Variants in LIM2 observed in about 807,000 individuals in gnomAD.
The protein encoded by LIM2 is lens intrinsic membrane protein 2.
In LIM2, 14 loss-of-function variants were observed where a neutral mutation model predicts 19.0. That is an observed-to-expected ratio of 0.74 (90% CI 0.49 to 1.15). LIM2 has a LOEUF of 1.15. Among genes scored for constraint, LIM2 ranks in the 50% most tolerant of loss-of-function variants. The pLI is 0.00. For synonymous variants in LIM2, 78 were observed against 89.6 expected (o/e 0.87, Z 0.73); for missense variants, 230 against 243.5 (o/e 0.94, Z 0.37).
Position 51,380,708 on chromosome 19 carries a change from G to A in LIM2, c.326-69C>T. The A allele has an allele frequency of 3.2e-6, 5 of 1,585,608 alleles. No homozygotes were observed. The South Asian group carries it at 3.3e-5, about 11-fold the overall frequency. ...GTGTGATTTTGGAGGTGGGCAGAGA[G>A]CTGATGATGGGGGTGGGAACTAAGA... On this transcript the variant is annotated intron_variant, in intron 3 of 4. Coordinates refer to ENST00000596399, the MANE Select transcript of LIM2 (RefSeq NM_001161748.2).
chr19:51,387,545 T>A, intron 1 of LIM2, 96 bp from the exon 2 acceptor site: 1 of 1,551,794 alleles, frequency 6.4e-7, no homozygotes, highest in East Asian at 2.3e-5. Flanking sequence ...GGATGCCAAG[T>A]GCTTGGGAGA....
intron 4 of LIM2, 85 bp downstream of exon 4, chr19:51,380,420 C>T: frequency 6.2e-7 from 1 of 1,601,080 alleles, no homozygotes. Flanking sequence ...CTGTGGGACT[C>T]ATGTGGGACA....
chr19:51,383,734 GA>G, intron 2 of LIM2, among the ~76,000 whole-genome samples: 1 of 152,238 alleles, frequency 6.6e-6, no homozygotes, highest in Admixed American at 6.6e-5. Context: ...TGAAGAAATG[GA>G]GGCCCAGAGA....
rs201303796 is a variant in LIM2, at chr19:51,387,212, C to T, written c.175+57G>A. On this transcript the variant is annotated intron_variant, in intron 2 of 4. Transcript: ENST00000596399. ...CTGGAATACAGGTGTCCTTGGGCCC[C>T]GAGGTCCGCCCTGCTCTTTCCCCAG... 1.6e-5 allele frequency: 26 copies of T among 1,614,092 alleles called. No individual in the cohort carries two copies. In the Admixed American group the frequency reaches 1.7e-4, roughly 10 times the overall value.
At chr19:51,382,717 C>A in intron 2 of LIM2, 150 bp from the exon 3 acceptor site, 1 of 1,038,846 alleles carries the variant, frequency 9.6e-7, no homozygotes, top group Non-Finnish European at 1.4e-6. Flanking sequence ...CTTCACCTGG[C>A]AAACTCCTAC....
intron 3 of LIM2, 143 bp from the exon 4 acceptor site, chr19:51,380,782 TA>T (rs763980753): frequency 6.5e-6 from 6 of 921,318 alleles, no homozygotes; most frequent in East Asian, 5.4e-5. Context: ...GGAGTGAGGA[TA>T]GGGGTTGAGT....
chr19:51,385,394 G>A (rs1216004877), intron 2 of LIM2, among the ~76,000 whole-genome samples: 4 of 152,056 alleles, frequency 2.6e-5, no homozygotes, highest in Admixed American at 1.3e-4. Context: ...GGTTTTGGGC[G>A]CCTGTAATCC....
At chr19:51,386,081 A>G (rs991968651) in intron 2 of LIM2, among the ~76,000 whole-genome samples, 1 of 152,060 alleles carries the variant, frequency 6.6e-6, no homozygotes, top group Non-Finnish European at 1.5e-5. Flanking sequence ...TATTATTATT[A>G]CTGTTACTAG....
chr19:51,380,432 C>T lies in LIM2; in HGVS notation c.460+73G>A. ...GTGCTGTGGGACTCATGTGGGACAC[C>T]CTGTCATCTTCCACTCTATCTGCTG... On this transcript the variant is annotated intron_variant, in intron 4 of 4. Coordinates refer to ENST00000596399, the MANE Select transcript of LIM2 (RefSeq NM_001161748.2). 2.5e-6 allele frequency: 4 copies of T among 1,608,454 alleles called. No individual in the cohort carries two copies. In the South Asian group the frequency reaches 4.4e-5, roughly 18 times the overall value.
At position 51,380,608 on chromosome 19, in the gene LIM2, G is replaced by A. The variant is rs761154589; in HGVS notation, c.357C>T (p.Tyr119=). Residue 119 remains tyrosine (Y), a synonymous_variant, in exon 4 of 5, where the codon TAC becomes TAT. Coordinates refer to ENST00000596399, the MANE Select transcript of LIM2 (RefSeq NM_001161748.2). ...TLFVVLALAI[Y]TGVTVSFLGR... is the part of the protein sequence containing the mutation. ...CCAGGAAGCTGACGGTGACTCCAGT[G>A]TAGATGGCCAAGGCCAACACGACGA... The A allele has an allele frequency of 4.9e-5, 79 of 1,614,072 alleles. No individual in the cohort carries two copies. In the East Asian group the frequency reaches 1.7e-3, roughly 36 times the overall value.
At chr19:51,384,288 A>G (rs1486953349) in intron 2 of LIM2, among the ~76,000 whole-genome samples, 1 of 152,054 alleles carries the variant, frequency 6.6e-6, no homozygotes, top group Non-Finnish European at 1.5e-5. Flanking sequence ...AAAATTAGCC[A>G]GGCTTGGTGG....
chr19:51,380,246 G>T lies in LIM2; in HGVS notation c.477C>A (p.Cys159Ter), dbSNP rs200867286. Reference protein sequence around the residue: ...MTFFAGIFYMCAYRVHECRRL... With the variant: ...MTFFAGIFYM Reference sequence around the variant, plus strand: ...GCCGGCATTCATGCACCCGGTAGGCGCACATGTAGAAAATCCCTGCATGAG... The same window carrying T: ...GCCGGCATTCATGCACCCGGTAGGCTCACATGTAGAAAATCCCTGCATGAG... The change falls in exon 5 of 5, where the codon TGC (cysteine) becomes TGA (stop). Residue 159 changes from cysteine (C) to a stop codon, truncating the protein, a stop_gained. Coordinates refer to ENST00000596399, the MANE Select transcript of LIM2 (RefSeq NM_001161748.2). LOFTEE classifies it high-confidence loss of function. 3 of 1,613,388 alleles carry T rather than the reference G, an allele frequency of 1.9e-6. No individual in the cohort carries two copies.
In LIM2 at chr19:51,380,115, C is replaced by G; in HGVS notation, c.*86G>C. ...CTGAGCCCCCTCATTCCCCTAGGAA[C>G]CAGGATTTCAGGCCTCTAGACCCTC... On this transcript the variant is annotated 3_prime_UTR_variant, in exon 5 of 5. Coordinates refer to ENST00000596399, the MANE Select transcript of LIM2 (RefSeq NM_001161748.2). 1.6e-6 allele frequency: 2 copies of G among 1,278,880 alleles called. No homozygotes were observed. Among genetic ancestry groups the G allele is most frequent in the Non-Finnish European group, 2.2e-6 (2 of 890,812 alleles). The allele number at this position is 1,278,880 out of a possible 1,614,324, so 79.2% of individuals were successfully genotyped here. A position where few individuals can be genotyped will look rare whatever the true frequency, so the allele number is the denominator to read the frequency against.
At chr19:51,382,803 C>T (rs376299231) in intron 2 of LIM2, among the ~76,000 whole-genome samples, 1 of 152,206 alleles carries the variant, frequency 6.6e-6, no homozygotes, top group East Asian at 1.9e-4. Flanking sequence ...CATCTTCACC[C>T]ACGGCTAAGG....
intron 2 of LIM2, among the ~76,000 whole-genome samples, chr19:51,383,027 C>CTTTT (rs1163859181): frequency 1.9e-3 from 169 of 88,292 alleles, no homozygotes; most frequent in East Asian, 2.9e-3. Context: ...TTTTTCTTTT[C>CTTTT]TTTTTTTTTT....
In LIM2 at chr19:51,380,322, C is replaced by T. The variant is rs114453103; in HGVS notation, c.461-60G>A. On this transcript the variant is annotated intron_variant, in intron 4 of 4. Transcript: ENST00000596399. ...ACCTCCCCCAGCTCCATTTCCACCC[C>T]AAGAGAGCCCAACACCCTACTCTCT... 9.4e-4 allele frequency: 1,497 copies of T among 1,591,804 alleles called. 18 individuals are homozygous for T. In the African/African-American group the frequency reaches 0.016, roughly 17 times the overall value.
intron 3 of LIM2, 144 bp downstream of exon 3, chr19:51,382,274 T>G: frequency 3.4e-6 from 3 of 883,108 alleles, no homozygotes; most frequent in Middle Eastern, 2.7e-4. Context: ...ATGAGGTTGG[T>G]TTTGAGTGTG....
intron 2 of LIM2, among the ~76,000 whole-genome samples, chr19:51,385,250 G>A (rs185374967): frequency 6.6e-5 from 10 of 151,770 alleles, no homozygotes; most frequent in Non-Finnish European, 1.3e-4. Flanking sequence ...GGCCAAGTTC[G>A]GTGGCTCATG....
Position 51,380,091 on chromosome 19 carries a change from T to C in LIM2, c.*110A>G. On this transcript the variant is annotated 3_prime_UTR_variant, in exon 5 of 5. Coordinates refer to ENST00000596399, the MANE Select transcript of LIM2 (RefSeq NM_001161748.2). ...CCCCCACAAACCCACAGTCCAGAAC[T>C]GAGCCCCCTCATTCCCCTAGGAACC... 2.9e-6 allele frequency: 3 copies of C among 1,031,664 alleles called. No individual in the cohort carries two copies. The highest frequency in any genetic ancestry group is 4.5e-6 in the Non-Finnish European group (3 of 672,144). The allele number at this position is 1,031,664 out of a possible 1,614,324, so 63.9% of individuals were successfully genotyped here.
Sources: gnomAD v4.1 joint callset for allele counts (sites outside exome capture counted in the v4.1 genomes callset) on GRCh38, gnomAD v4.1.1 for gene constraint, MANE v1.5 for transcripts, NCBI Gene and HGNC (gene_info 2026-07-23, HGNC 2026-07-21) for gene names.